Variants in EMSY observed in about 807,000 individuals in gnomAD.
EMSY encodes the protein BRCA2-interacting transcriptional repressor EMSY.
Under a neutral mutation model 134.6 loss-of-function variants are expected in EMSY, and 26 were observed. That is an observed-to-expected ratio of 0.19 (90% CI 0.14 to 0.27). The LOEUF (loss-of-function observed/expected upper bound fraction) is 0.27. EMSY is among the 10% of genes least tolerant of loss of function. The probability of loss-of-function intolerance (pLI) is 1.00; values close to 1 mark genes in which losing one functional copy is unlikely to be tolerated. For synonymous variants in EMSY, 579 were observed against 577.8 expected (o/e 1.00, Z -0.03); for missense variants, 1,305 against 1,611.4 (o/e 0.81, Z 3.26).
intron 8 of EMSY, among the ~76,000 whole-genome samples, chr11:76,495,230 C>G (rs1158589571): frequency 1.3e-5 from 2 of 152,168 alleles, no homozygotes; most frequent in Non-Finnish European, 2.9e-5. Flanking sequence ...TTATTTAAAA[C>G]CTTTTCTGTA....
intron 14 of EMSY, among the ~76,000 whole-genome samples, chr11:76,528,883 C>T (rs1464901405): frequency 6.6e-6 from 1 of 152,102 alleles, no homozygotes; most frequent in Non-Finnish European, 1.5e-5. Flanking sequence ...CAGAGGTAGA[C>T]TGTAAGTGGG....
chr11:76,512,216 T>G (rs1950302746), intron 9 of EMSY, among the ~76,000 whole-genome samples: 1 of 150,990 alleles, frequency 6.6e-6, no homozygotes, highest in Non-Finnish European at 1.5e-5. Context: ...AATTTAAATT[T>G]ATAGTTGGCA....
At chr11:76,522,735 AT>A (rs1950692850) in intron 11 of EMSY, among the ~76,000 whole-genome samples, 2 of 152,190 alleles carry the variant, frequency 1.3e-5, no homozygotes, top group African/African-American at 4.8e-5. Flanking sequence ...GCCTAGTGTT[AT>A]GTAAATTTAA....
At chr11:76,455,427 T>C (rs1327222438) in intron 4 of EMSY, among the ~76,000 whole-genome samples, 1 of 152,132 alleles carries the variant, frequency 6.6e-6, no homozygotes, top group Non-Finnish European at 1.5e-5. Flanking sequence ...TCCTCTGCCC[T>C]CTTCCCCTCA....
chr11:76,544,976 G>A (rs1291838874), intron 19 of EMSY, 154 bp downstream of exon 20: 6 of 804,768 alleles, frequency 7.5e-6, no homozygotes, highest in Admixed American at 2.9e-5. Flanking sequence ...CCCATCAGAA[G>A]GTTGACATTA....
At chr11:76,527,068 AT>A (rs1029974264) in intron 13 of EMSY, among the ~76,000 whole-genome samples, 1 of 152,166 alleles carries the variant, frequency 6.6e-6, no homozygotes, top group East Asian at 1.9e-4. Flanking sequence ...CTAGAGTTGT[AT>A]TTATTTTTTA....
At chr11:76,457,145 T>C (rs1362062314) in intron 4 of EMSY, among the ~76,000 whole-genome samples, 1 of 152,032 alleles carries the variant, frequency 6.6e-6, no homozygotes, top group Non-Finnish European at 1.5e-5. Context: ...ATCATTACTA[T>C]CATTATTAGC....
At chr11:76,552,643 G>A (rs901659579), downstream of EMSY, 2 of 152,204 alleles carry the variant, frequency 1.3e-5, no homozygotes, top group South Asian at 4.1e-4. Flanking sequence ...AAAACCAAAG[G>A]GGGCTTCATT....
intron 10 of EMSY, among the ~76,000 whole-genome samples, chr11:76,514,194 A>G (rs147224489): frequency 6.8e-4 from 103 of 152,146 alleles, no homozygotes; most frequent in Admixed American, 5.2e-4. Context: ...TAAATGGGAT[A>G]ATAATACCTA....
intron 8 of EMSY, among the ~76,000 whole-genome samples, chr11:76,474,430 T>C (rs1428894388): frequency 1.3e-5 from 2 of 152,208 alleles, no homozygotes; most frequent in African/African-American, 4.8e-5. Context: ...CTTGGAAATA[T>C]TCTAGTTTAT....
At chr11:76,499,777 G>A (rs1325217742) in intron 9 of EMSY, among the ~76,000 whole-genome samples, 1 of 151,830 alleles carries the variant, frequency 6.6e-6, no homozygotes, top group Non-Finnish European at 1.5e-5. Context: ...AAAGTATATT[G>A]TTTTGTTCTG....
chr11:76,528,190 A>T, intron 13 of EMSY, 78 bp from the exon 15 acceptor site: 1 of 1,253,668 alleles, frequency 8.0e-7, no homozygotes, highest in Non-Finnish European at 1.1e-6. Flanking sequence ...GGAAAATATT[A>T]GTTTATGACC....
chr11:76,474,849 C>A (rs1271381432), intron 8 of EMSY, among the ~76,000 whole-genome samples: 1 of 152,098 alleles, frequency 6.6e-6, no homozygotes, highest in Non-Finnish European at 1.5e-5. Context: ...CTGCAACCTC[C>A]GCCTCCCGGG....
At chr11:76,525,338 T>A (rs945626408) in intron 12 of EMSY, among the ~76,000 whole-genome samples, 3 of 152,198 alleles carry the variant, frequency 2.0e-5, no homozygotes, top group African/African-American at 7.2e-5. Context: ...TTACAGCAGA[T>A]AGTTAAAATT....
exon 15 of EMSY, chr11:76,535,897 T>C: frequency 6.6e-7 from 1 of 1,504,802 alleles, no homozygotes; most frequent in Non-Finnish European, 8.9e-7. Flanking sequence ...TAAAACAGAT[T>C]CCCAGCCTGT....
chr11:76,447,563 A>G (rs1449449750), intron 2 of EMSY, among the ~76,000 whole-genome samples: 2 of 152,238 alleles, frequency 1.3e-5, no homozygotes, highest in Non-Finnish European at 2.9e-5. Context: ...AATAAAACAC[A>G]TTTTATGCTT....
At position 76,550,388 on chromosome 11, in the gene EMSY, C is replaced by CT. The variant is rs1257714682; in HGVS notation, c.*244dup. 2.9e-5 allele frequency: 9 copies of CT among 310,940 alleles called. No individual in the cohort carries two copies. In the Admixed American group the frequency reaches 3.9e-4, roughly 14 times the overall value. 19.3% of individuals were successfully genotyped at this position (310,940 alleles called of 1,614,324 possible). On this transcript the variant is annotated 3_prime_UTR_variant, in exon 21 of 21. Transcript: ENST00000334736. ...AAAAAAAGCTGCACATTTACAGTGA[C>CT]TTAAGACCTGGTCTTCTTTCTCTGT...
chr11:76,489,466 G>C (rs1386874848), intron 8 of EMSY, among the ~76,000 whole-genome samples: 1 of 151,708 alleles, frequency 6.6e-6, no homozygotes, highest in Admixed American at 6.6e-5. Flanking sequence ...TCTTCTTGAT[G>C]GATTAACCCC....
At position 76,527,355 on chromosome 11, in the gene EMSY, G is replaced by A. The variant is rs534780280; in HGVS notation, c.1995+720G>A. Among the ~76,000 whole-genome samples, 34 of 152,058 alleles carry A rather than the reference G, an allele frequency of 2.2e-4. 1 individual carries two copies. In the South Asian group the frequency reaches 6.8e-3, roughly 31 times the overall value. On this transcript the variant is annotated intron_variant, in intron 13 of 20. Transcript: ENST00000334736. ...TATCTAAAAAAAAAATAAGCTTTGT[G>A]ACAAGTCCAAATTGCCTATGGAGTT...
Sources: allele counts gnomAD v4.1 joint callset (sites outside exome capture counted in the v4.1 genomes callset), GRCh38; gene constraint gnomAD v4.1.1; transcripts MANE v1.5; gene names NCBI Gene and HGNC (gene_info 2026-07-23, HGNC 2026-07-21).